The following AZGP1 variants were observed in gnomAD, a reference collection of about 807,000 sequenced individuals.
AZGP1 encodes the protein zinc-alpha-2-glycoprotein.
A neutral mutation model predicts 31.5 loss-of-function variants in AZGP1; 28 were observed. That is an observed-to-expected ratio of 0.89 (90% CI 0.66 to 1.22). The LOEUF is 1.22. Among genes scored for constraint, AZGP1 ranks in the 50% most tolerant of loss-of-function variants. AZGP1 has a pLI of 0.00. For synonymous variants in AZGP1, 135 were observed against 145.4 expected (o/e 0.93, Z 0.51); for missense variants, 361 against 371.8 (o/e 0.97, Z 0.24).
chr7:99,967,855 A>G, intron 3 of AZGP1: 1 of 572,780 alleles, frequency 1.7e-6, no homozygotes, highest in Non-Finnish European at 3.1e-6. Flanking sequence ...CCTCTTACAG[A>G]CAGTGTTACC....
chr7:99,972,257 C>T (rs1254496393), intron 1 of AZGP1, among the ~76,000 whole-genome samples: 1 of 152,196 alleles, frequency 6.6e-6, no homozygotes, highest in Non-Finnish European at 1.5e-5. Flanking sequence ...GATAACATTA[C>T]TCAGCCACCT....
At chr7:99,967,963 A>G in intron 3 of AZGP1, 192 bp downstream of exon 3, 1 of 836,046 alleles carries the variant, frequency 1.2e-6, no homozygotes, top group East Asian at 2.7e-5. Context: ...TCTGCCTGAA[A>G]TTTTGATGAT....
In AZGP1 at chr7:99,975,571, C is replaced by A. The variant is rs2906474; in HGVS notation, c.76+374G>T. On this transcript the variant is annotated intron_variant, in intron 1 of 3. Coordinates refer to ENST00000292401, the MANE Select transcript of AZGP1 (RefSeq NM_001185.4). Reference sequence around the variant, plus strand: ...CCCCTTGGGGCTGCTCTCTCTTTCCCTCAGCGTCAGGCAGGTGTACCCAGC... The same window carrying A: ...CCCCTTGGGGCTGCTCTCTCTTTCCATCAGCGTCAGGCAGGTGTACCCAGC... Among the ~76,000 whole-genome samples, 915 of 152,198 alleles carry A rather than the reference C, an allele frequency of 6.0e-3. 8 individuals are homozygous for A. The highest frequency in any genetic ancestry group is 7.3e-3 in the Non-Finnish European group (497 of 67,996).
At chr7:99,969,182 A>G (rs868615580) in intron 2 of AZGP1, among the ~76,000 whole-genome samples, 6 of 150,752 alleles carry the variant, frequency 4.0e-5, no homozygotes, top group African/African-American at 1.5e-4. Context: ...GCTGAGGCCA[A>G]AGGATCACCT....
intron 2 of AZGP1, among the ~76,000 whole-genome samples, chr7:99,969,968 C>A (rs1281815412): frequency 6.6e-6 from 1 of 152,118 alleles, no homozygotes; most frequent in African/African-American, 2.4e-5. Context: ...CAGGTGTTTA[C>A]CCAGCACTGG....
Position 99,968,626 on chromosome 7 carries a change from T to C in AZGP1, c.338-196A>G, listed in dbSNP as rs142673815. 257 of 692,232 alleles carry C rather than the reference T, an allele frequency of 3.7e-4. 1 individual carries two copies. In the East Asian group the frequency reaches 7.1e-3, roughly 19 times the overall value. 42.9% of individuals were successfully genotyped at this position (692,232 alleles called of 1,614,324 possible). ...ACAGAGAGGGGCTAACTCAGTTTGG[T>C]TTGGCATTTCAGGTTTGTCTCAGAT... On this transcript the variant is annotated intron_variant, in intron 2 of 3. Transcript: ENST00000292401.
At position 99,971,469 on chromosome 7, in the gene AZGP1, G is replaced by A. The variant is rs10243303; in HGVS notation, c.337+277C>T. 9.1e-3 allele frequency: 3,585 copies of A among 393,318 alleles called. 109 individuals are homozygous for A. Among genetic ancestry groups the A allele is most frequent in the African/African-American group, 0.064 (3,183 of 49,804 alleles). The allele number at this position is 393,318 out of a possible 1,614,324, so 24.4% of individuals were successfully genotyped here. On this transcript the variant is annotated intron_variant, in intron 2 of 3. Transcript: ENST00000292401. ...ATCAGCCTCCGATGGGTGGGGTGTGGAGGTGAGAGGTCATAGGTGCCTGGA... is the reference window on the plus strand; with the variant it reads ...ATCAGCCTCCGATGGGTGGGGTGTGAAGGTGAGAGGTCATAGGTGCCTGGA...
At chr7:99,972,110 GC>G in intron 1 of AZGP1, 104 bp from the exon 2 acceptor site, 1 of 1,341,230 alleles carries the variant, frequency 7.5e-7, no homozygotes, top group South Asian at 1.5e-5. Context: ...TTCTTCCCCA[GC>G]TCTTTCTCCT....
chr7:99,971,174 G>C (rs965855854), intron 2 of AZGP1, among the ~76,000 whole-genome samples: 2 of 152,240 alleles, frequency 1.3e-5, no homozygotes, highest in East Asian at 1.9e-4. Context: ...TGTACCCTGT[G>C]CTAGGTGATG....
chr7:99,967,332 TC>T lies in AZGP1; in HGVS notation c.614-47del, dbSNP rs1364054290. The T allele has an allele frequency of 1.9e-6, 3 of 1,586,046 alleles. No individual in the cohort carries two copies. In the South Asian group the frequency reaches 3.4e-5, roughly 18 times the overall value. ...ACACTGCAGGCTTGAGGTGGACTTC[TC>T]CCGGCCCAGGTCTCTTCCTACCCCC... On this transcript the variant is annotated intron_variant, in intron 3 of 3. Transcript: ENST00000292401.
At position 99,967,045 on chromosome 7, in the gene AZGP1, G is replaced by T; in HGVS notation, c.855C>A (p.Ser285Arg). The change falls in exon 4 of 4, where the codon AGC (serine) becomes AGA (arginine). Residue 285 changes from serine (S) to arginine (R), a missense_variant. By Grantham distance (110) the Ser-to-Arg change is moderately radical. Transcript: ENST00000292401. ...TAPYSCHVQHSSLAQPLVVPW... is the reference protein window; with the variant it reads ...TAPYSCHVQHRSLAQPLVVPW... Reference sequence around the variant, plus strand: ...GCACCACGAGGGGCTGGGCCAGGCTGCTGTGCTGCACGTGGCAGGAGTAGG... The same window carrying T: ...GCACCACGAGGGGCTGGGCCAGGCTTCTGTGCTGCACGTGGCAGGAGTAGG... The T allele has an allele frequency of 6.2e-7, 1 of 1,614,186 alleles. No homozygotes were observed. Among genetic ancestry groups the T allele is most frequent in the South Asian group, 1.1e-5 (1 of 91,086 alleles).
intron 1 of AZGP1, among the ~76,000 whole-genome samples, chr7:99,973,180 AAGG>A (rs1562799022): frequency 6.6e-6 from 1 of 152,182 alleles, no homozygotes; most frequent in African/African-American, 2.4e-5. Flanking sequence ...AAAGGGTAGA[AAGG>A]AGAATTTACC....
intron 1 of AZGP1, among the ~76,000 whole-genome samples, chr7:99,972,563 A>G (rs1789595988): frequency 6.6e-6 from 1 of 152,230 alleles, no homozygotes; most frequent in Admixed American, 6.5e-5. Context: ...CTGTAATCCC[A>G]GGACTTTGGG....
At chr7:99,969,229 T>A (rs1180557890) in intron 2 of AZGP1, among the ~76,000 whole-genome samples, 1 of 151,522 alleles carries the variant, frequency 6.6e-6, no homozygotes, top group Non-Finnish European at 1.5e-5. Context: ...GCCAACATGG[T>A]AAGACCTCAT....
rs766390914 is a variant in AZGP1, at chr7:99,975,983, A to G, written c.38T>C (p.Leu13Pro). ...RMVPVLLSLL[L>P]LLGPAVPQEN... ...CTGGGGGACAGCAGGACCCAGAAGC[A>G]GCAGCAGAGACAGCAGGACAGGCAC... Residue 13 changes from leucine (L) to proline (P), a missense_variant, in exon 1 of 4, where the codon CTG (leucine) becomes CCG (proline). Transcript: ENST00000292401. The G allele has an allele frequency of 2.5e-6, 4 of 1,614,092 alleles. No individual in the cohort carries two copies. Among genetic ancestry groups the G allele is most frequent in the Non-Finnish European group, 3.4e-6 (4 of 1,180,020 alleles).
intron 2 of AZGP1, among the ~76,000 whole-genome samples, chr7:99,969,050 G>A (rs1400832813): frequency 6.7e-6 from 1 of 149,880 alleles, no homozygotes; most frequent in Non-Finnish European, 1.5e-5. Context: ...GAGGAGGATG[G>A]ATCACCTTAG....
intron 2 of AZGP1, among the ~76,000 whole-genome samples, chr7:99,970,684 G>A (rs543358789): frequency 2.8e-4 from 42 of 151,710 alleles, no homozygotes; most frequent in East Asian, 9.7e-4. Flanking sequence ...TCCTATTGCT[G>A]ACACACAGCC....
rs869115613 is a variant in AZGP1, at chr7:99,968,962, C to CAAAAAAAAAAAAAAA, written c.338-547_338-533dup. Among the ~76,000 whole-genome samples, 32 of 26,698 alleles carry CAAAAAAAAAAAAAAA rather than the reference C, an allele frequency of 1.2e-3. 9 individuals are homozygous for CAAAAAAAAAAAAAAA. The highest frequency in any genetic ancestry group is 3.5e-3 in the South Asian group (1 of 286). 17.5% of individuals were successfully genotyped at this position (26,698 alleles called of 152,430 possible). ...TGGGTGACAGAGTGAGACCCTATCT[C>CAAAAAAAAAAAAAAA]AAAAAAAAAAAAAAAAAAAAAAAAA... On this transcript the variant is annotated intron_variant, in intron 2 of 3. Coordinates refer to ENST00000292401, the MANE Select transcript of AZGP1 (RefSeq NM_001185.4).
intron 2 of AZGP1, among the ~76,000 whole-genome samples, chr7:99,969,246 T>C (rs1007449622): frequency 1.2e-4 from 18 of 151,654 alleles, no homozygotes; most frequent in Admixed American, 3.3e-4. Context: ...TCATCTCTAC[T>C]AAAAATACAA....
Sources: allele counts gnomAD v4.1 joint callset (sites outside exome capture counted in the v4.1 genomes callset), GRCh38; gene constraint gnomAD v4.1.1; transcripts MANE v1.5; gene names NCBI Gene and HGNC (gene_info 2026-07-23, HGNC 2026-07-21).